The following ITPR1 variants were observed in gnomAD, a reference collection of about 807,000 sequenced individuals.
ITPR1 encodes inositol 1,4,5-trisphosphate-gated calcium channel ITPR1.
A neutral mutation model predicts 318.4 loss-of-function variants in ITPR1; 96 were observed. The ratio of observed to expected loss-of-function variants is 0.30; its 90% CI spans 0.26 to 0.36. The LOEUF (loss-of-function observed/expected upper bound fraction) is 0.36. Among genes scored for constraint, ITPR1 ranks in the 10% least tolerant of loss-of-function variants. The pLI is 1.00. For missense variants in ITPR1, 2,440 were observed against 3,460.2 expected, an observed-to-expected ratio of 0.71 and a Z score of 7.40; for synonymous variants, 1,312 against 1,289.9, an observed-to-expected ratio of 1.02 and a Z score of -0.37.
chr3:4,644,607 C>T (rs1265706252), intron 8 of ITPR1, among the ~76,000 whole-genome samples: 22 of 152,214 alleles, frequency 1.4e-4, no homozygotes, highest in East Asian at 1.3e-3. Flanking sequence ...CAAAAAGGAA[C>T]ACTGCAGCTT....
In ITPR1 at chr3:4,795,114, C is replaced by T. The variant is rs1321446036; in HGVS notation, c.6858C>T (p.Ser2286=). The T allele has an allele frequency of 1.2e-6, 2 of 1,613,854 alleles. No homozygotes were observed. Among genetic ancestry groups the T allele is most frequent in the Admixed American group, 1.7e-5 (1 of 60,014 alleles). ...CCCGCAACATGTCTTTCTGGAGCAGCATTTCGTTTAACCTGGCCGTCCTGA... is the reference window on the plus strand; with the variant it reads ...CCCGCAACATGTCTTTCTGGAGCAGTATTTCGTTTAACCTGGCCGTCCTGA... ...WCARNMSFWS[S]ISFNLAVLMN... is the part of the protein sequence containing the mutation. The change falls in exon 53 of 62, where the codon AGC becomes AGT. Residue 2286 remains serine (S), a synonymous_variant. Transcript: ENST00000649015.
At chr3:4,684,104 A>G (rs925417158) in intron 28 of ITPR1, among the ~76,000 whole-genome samples, 177 bp from the exon 29 acceptor site, 4 of 152,216 alleles carry the variant, frequency 2.6e-5, no homozygotes, top group African/African-American at 4.8e-5. Context: ...GCCCACTACT[A>G]TCCCTTCCCA....
chr3:4,693,106 A>G (rs2094504848), intron 32 of ITPR1, among the ~76,000 whole-genome samples: 1 of 152,212 alleles, frequency 6.6e-6, no homozygotes, highest in Non-Finnish European at 1.5e-5. Flanking sequence ...CCTGGGCAAC[A>G]AGAGTGAAAT....
At chr3:4,547,492 C>T (rs1301857668) in intron 4 of ITPR1, among the ~76,000 whole-genome samples, 1 of 152,196 alleles carries the variant, frequency 6.6e-6, no homozygotes, top group Non-Finnish European at 1.5e-5. Flanking sequence ...TGTATCCAGG[C>T]CTCTATGGCT....
intron 31 of ITPR1, among the ~76,000 whole-genome samples, chr3:4,689,856 C>T (rs547882752): frequency 1.3e-5 from 2 of 152,116 alleles, no homozygotes. Context: ...TCCGCTGACA[C>T]CATTAAGAGC....
At chr3:4,596,932 G>T (rs1186169213) in intron 4 of ITPR1, among the ~76,000 whole-genome samples, 1 of 152,232 alleles carries the variant, frequency 6.6e-6, no homozygotes, top group Non-Finnish European at 1.5e-5. Flanking sequence ...GTTTTAGTGT[G>T]TTGATATGTT....
intron 10 of ITPR1, chr3:4,646,058 G>T: frequency 3.9e-6 from 1 of 257,034 alleles, no homozygotes. Flanking sequence ...ATTAGAAATA[G>T]CTTTCTCTGA....
intron 20 of ITPR1, 130 bp from the exon 21 acceptor site, chr3:4,673,006 A>G: frequency 1.1e-6 from 1 of 900,340 alleles, no homozygotes; most frequent in Non-Finnish European, 1.7e-6. Context: ...AGAGCAATTT[A>G]GGGGTGTTGA....
At chr3:4,656,044 T>G (rs1300590863) in intron 12 of ITPR1, among the ~76,000 whole-genome samples, 1 of 152,210 alleles carries the variant, frequency 6.6e-6, no homozygotes, top group Non-Finnish European at 1.5e-5. Flanking sequence ...GGCTTTGTTG[T>G]GCTCGTCCTT....
At chr3:4,625,276 C>T (rs1273806942) in intron 4 of ITPR1, among the ~76,000 whole-genome samples, 1 of 145,372 alleles carries the variant, frequency 6.9e-6, no homozygotes, top group South Asian at 2.1e-4. Context: ...TACATAGTAA[C>T]AGTTAATTAT....
intron 4 of ITPR1, among the ~76,000 whole-genome samples, chr3:4,615,044 G>A (rs747688415): frequency 1.3e-5 from 2 of 152,212 alleles, no homozygotes; most frequent in Non-Finnish European, 2.9e-5. Context: ...AGGAGGCTTG[G>A]AATGGGGCCC....
chr3:4,651,092 G>A (rs911798783), intron 10 of ITPR1, among the ~76,000 whole-genome samples: 4 of 152,152 alleles, frequency 2.6e-5, no homozygotes, highest in African/African-American at 9.7e-5. Flanking sequence ...GTCTACTAAC[G>A]CACAGGGTGT....
At chr3:4,836,638 A>G (rs776186202) in intron 60 of ITPR1, 136 bp from the exon 61 acceptor site, 3 of 862,902 alleles carry the variant, frequency 3.5e-6, no homozygotes, top group East Asian at 3.1e-5. Flanking sequence ...TACACAGCAC[A>G]TAAGTTCTGC....
At chr3:4,607,324 T>G (rs1233350281) in intron 4 of ITPR1, among the ~76,000 whole-genome samples, 4 of 152,198 alleles carry the variant, frequency 2.6e-5, no homozygotes, top group African/African-American at 9.6e-5. Context: ...TCAGTTATCC[T>G]GCAGGTCAGT....
At chr3:4,763,058 G>A (rs1434024185) in intron 44 of ITPR1, among the ~76,000 whole-genome samples, 1 of 152,200 alleles carries the variant, frequency 6.6e-6, no homozygotes, top group Non-Finnish European at 1.5e-5. Context: ...GCAGGGACAT[G>A]GATGAAGCCA....
At chr3:4,794,072 G>A (rs1334320493) in intron 52 of ITPR1, among the ~76,000 whole-genome samples, 2 of 152,178 alleles carry the variant, frequency 1.3e-5, no homozygotes, top group Admixed American at 6.5e-5. Context: ...CGTACTCCAT[G>A]CTTTTCTCTG....
intron 56 of ITPR1, among the ~76,000 whole-genome samples, chr3:4,812,692 G>A (rs1175309288): frequency 6.6e-6 from 1 of 152,160 alleles, no homozygotes; most frequent in Non-Finnish European, 1.5e-5. Flanking sequence ...CAAATGCTGT[G>A]TTCTTGGCAT....
At chr3:4,844,649 G>A (rs114104713) in intron 61 of ITPR1, among the ~76,000 whole-genome samples, 8 of 152,194 alleles carry the variant, frequency 5.3e-5, no homozygotes, top group Non-Finnish European at 1.0e-4. Context: ...TTCCTGAGCC[G>A]AATCTGTGGA....
intron 44 of ITPR1, among the ~76,000 whole-genome samples, chr3:4,739,018 G>T (rs1385101931): frequency 3.9e-5 from 6 of 152,232 alleles, no homozygotes; most frequent in Admixed American, 3.9e-4. Context: ...ATGCCTTCTA[G>T]CCTAGACTTG....
Sources: allele counts gnomAD v4.1 joint callset (sites outside exome capture counted in the v4.1 genomes callset), GRCh38; gene constraint gnomAD v4.1.1; transcripts MANE v1.5; gene names NCBI Gene and HGNC (gene_info 2026-07-23, HGNC 2026-07-21).